ROBO2: variants seen among roughly 807,000 people sequenced by gnomAD.
ROBO2 encodes the protein roundabout homolog 2.
In ROBO2, 53 loss-of-function variants were observed where a neutral mutation model predicts 160.8. That is an observed-to-expected ratio of 0.33 (90% confidence interval 0.26 to 0.41). The LOEUF (loss-of-function observed/expected upper bound fraction) is 0.41, where lower values mean the gene tolerates loss of function less well. Ranked by LOEUF, ROBO2 falls within the 10% of genes least tolerant of loss-of-function variation. ROBO2 has a pLI of 1.00. For synonymous variants in ROBO2, 664 were observed against 611.7 expected (o/e 1.09, Z -1.26); for missense variants, 1,577 against 1,722.4 (o/e 0.92, Z 1.49).
rs555740966 is a variant in ROBO2 at position 77,552,065 on chromosome 3, A to G, written c.1231+1076A>G. On this transcript the variant is annotated intron_variant, in intron 8 of 25. Coordinates refer to ENST00000461745, the Ensembl canonical transcript of ROBO2. The stretch of plus-strand genomic sequence containing the variant: ...GAAAGGAGAAGTCAGGTTCAAGGAT[A>G]GCAGTGATGAGAAATTCTTCCTTAG... Among the ~76,000 whole-genome samples, 10 of 152,142 alleles carry G rather than the reference A, an allele frequency of 6.6e-5. No individual in the cohort carries two copies. In the East Asian group the frequency reaches 1.7e-3, roughly 27 times the overall value.
At chr3:77,149,688 T>G (rs1364350868) in intron 2 of ROBO2, among the ~76,000 whole-genome samples, 4 of 152,178 alleles carry the variant, frequency 2.6e-5, no homozygotes. Context: ...AAAAGCAAAC[T>G]GTTGAGCAAC....
intron 2 of ROBO2, among the ~76,000 whole-genome samples, chr3:76,519,480 GC>G (rs942225065): frequency 4.6e-5 from 7 of 152,320 alleles, no homozygotes; most frequent in African/African-American, 1.4e-4. Flanking sequence ...CTCTCTGTCT[GC>G]AATTACCTAG....
chr3:75,990,126 A>T (rs1028786710), intron 2 of ROBO2, among the ~76,000 whole-genome samples: 2 of 152,250 alleles, frequency 1.3e-5, no homozygotes, highest in Non-Finnish European at 2.9e-5. Context: ...CTCAAGCCAT[A>T]AAATATATCT....
At chr3:77,519,014 A>C (rs2090319588) in intron 5 of ROBO2, among the ~76,000 whole-genome samples, 1 of 151,364 alleles carries the variant, frequency 6.6e-6, no homozygotes, top group Non-Finnish European at 1.5e-5. Context: ...CTATAGGTAG[A>C]AAAAAAATAG....
chr3:76,853,963 C>A (rs1435731424), intron 2 of ROBO2, among the ~76,000 whole-genome samples: 1 of 151,520 alleles, frequency 6.6e-6, no homozygotes, highest in Non-Finnish European at 1.5e-5. Flanking sequence ...CTTTGAGTCT[C>A]TTTGCAGTCT....
chr3:76,985,655 A>G (rs945292107), intron 2 of ROBO2, among the ~76,000 whole-genome samples: 10 of 149,570 alleles, frequency 6.7e-5, no homozygotes, highest in Admixed American at 2.0e-4. Flanking sequence ...ATTTCTCTCT[A>G]GGAGGACATA....
intron 2 of ROBO2, among the ~76,000 whole-genome samples, chr3:76,401,222 A>G (rs1440639921): frequency 1.3e-5 from 2 of 151,512 alleles, no homozygotes; most frequent in Non-Finnish European, 3.0e-5. Flanking sequence ...ATGTAACTTT[A>G]TCTTGTAAAT....
intron 2 of ROBO2, among the ~76,000 whole-genome samples, chr3:76,414,767 TTA>T (rs1045809309): frequency 2.3e-4 from 20 of 85,998 alleles, no homozygotes; most frequent in African/African-American, 2.1e-3. Flanking sequence ...AAAGTATAAT[TTA>T]AAAAAAAAAA....
chr3:76,672,172 C>A (rs866181508), intron 2 of ROBO2, among the ~76,000 whole-genome samples: 3 of 152,066 alleles, frequency 2.0e-5, no homozygotes, highest in Non-Finnish European at 4.4e-5. Context: ...GCCATCACTA[C>A]GCTGTGGACT....
At chr3:76,817,748 T>C (rs189014193) in intron 2 of ROBO2, among the ~76,000 whole-genome samples, 3 of 152,122 alleles carry the variant, frequency 2.0e-5, no homozygotes, top group African/African-American at 7.2e-5. Context: ...ATACGACATT[T>C]GGTTTTCCAT....
At chr3:76,268,010 G>A (rs1038823826) in intron 2 of ROBO2, among the ~76,000 whole-genome samples, 2 of 152,186 alleles carry the variant, frequency 1.3e-5, no homozygotes, top group African/African-American at 4.8e-5. Context: ...GACCAGAGAT[G>A]TGGCAAGGGC....
chr3:76,416,238 A>G (rs1013173921), intron 2 of ROBO2, among the ~76,000 whole-genome samples: 3 of 152,290 alleles, frequency 2.0e-5, no homozygotes, highest in South Asian at 2.1e-4. Context: ...AATGTCTATA[A>G]TAGAAGAACA....
intron 1 of ROBO2, among the ~76,000 whole-genome samples, chr3:77,073,195 T>C (rs1454285984): frequency 6.6e-6 from 1 of 152,218 alleles, no homozygotes; most frequent in Non-Finnish European, 1.5e-5. Context: ...TTATCTTTAA[T>C]CATTCCCATT....
chr3:76,941,531 C>T (rs2078186756), intron 2 of ROBO2, among the ~76,000 whole-genome samples: 1 of 152,072 alleles, frequency 6.6e-6, no homozygotes, highest in Non-Finnish European at 1.5e-5. Flanking sequence ...CTTCATTCTG[C>T]CAAATTATTT....
chr3:76,380,308 G>C (rs6801299), intron 2 of ROBO2, among the ~76,000 whole-genome samples: 32,526 of 152,024 alleles, frequency 0.21, 4,086 homozygotes, highest in African/African-American at 0.35. Context: ...TATTGATAAT[G>C]TAATATATGA....
intron 2 of ROBO2, among the ~76,000 whole-genome samples, chr3:76,028,298 T>C (rs2066808696): frequency 6.6e-6 from 1 of 151,880 alleles, no homozygotes; most frequent in Non-Finnish European, 1.5e-5. Context: ...CCCTCTTCCA[T>C]GAAAAATCAT....
At chr3:76,622,219 GAAGGAAGGAAGGAAGGAAGA>G (rs2089164352) in intron 2 of ROBO2, among the ~76,000 whole-genome samples, 6 of 22,392 alleles carry the variant, frequency 2.7e-4, no homozygotes, top group Admixed American at 2.3e-3. Context: ...AGGAAGGAAG[GAAGGAAGGAAGGAAGGAAGA>G]AAGAAAGAAA....
intron 2 of ROBO2, among the ~76,000 whole-genome samples, chr3:77,451,017 G>T (rs182107444): frequency 6.6e-6 from 1 of 151,984 alleles, no homozygotes; most frequent in Non-Finnish European, 1.5e-5. Flanking sequence ...ATATTCATCC[G>T]TCAGTTTCAG....
chr3:77,117,102 T>A (rs1331130812), intron 2 of ROBO2, among the ~76,000 whole-genome samples: 1 of 152,226 alleles, frequency 6.6e-6, no homozygotes, highest in African/African-American at 2.4e-5. Flanking sequence ...CACACAAGGC[T>A]GGAATAAGAA....
Sources: gnomAD v4.1 joint callset for allele counts (sites outside exome capture counted in the v4.1 genomes callset) on GRCh38, gnomAD v4.1.1 for gene constraint, MANE v1.5 for transcripts, NCBI Gene and HGNC (gene_info 2026-07-23, HGNC 2026-07-21) for gene names.